KCND3: variants seen among roughly 807,000 people sequenced by gnomAD.
The protein encoded by KCND3 is potassium voltage-gated channel subfamily D member 3, also known as A-type voltage-gated potassium channel KCND3.
In KCND3, 9 loss-of-function variants were observed where a neutral mutation model predicts 51.1. The observed-to-expected ratio is 0.18, with a 90% CI of 0.11 to 0.31. The LOEUF is 0.31. Among genes scored for constraint, KCND3 ranks in the 10% least tolerant of loss-of-function variants. The pLI is 1.00. For synonymous variants in KCND3, 349 were observed against 368.0 expected, an observed-to-expected ratio of 0.95 and a Z score of 0.59; for missense variants, 526 against 903.8, an observed-to-expected ratio of 0.58 and a Z score of 5.36.
chr1:111,947,515 C>T (rs1672836252), intron 2 of KCND3, among the ~76,000 whole-genome samples: 1 of 152,192 alleles, frequency 6.6e-6, no homozygotes, highest in South Asian at 2.1e-4. Context: ...GAAGTTCAGA[C>T]TTGGAGAGGT....
chr1:111,862,386 T>C (rs1311260121), intron 2 of KCND3, among the ~76,000 whole-genome samples: 2 of 152,260 alleles, frequency 1.3e-5, no homozygotes, highest in African/African-American at 4.8e-5. Flanking sequence ...TGAATGGCCA[T>C]GGGCCGAATG....
At chr1:111,944,205 C>T (rs1192343815) in intron 2 of KCND3, among the ~76,000 whole-genome samples, 2 of 152,176 alleles carry the variant, frequency 1.3e-5, no homozygotes, top group African/African-American at 2.4e-5. Context: ...GTCCCTCTGT[C>T]CCTTGTGGAG....
At chr1:111,776,887 G>C in intron 7 of KCND3, 139 bp downstream of exon 7, 3 of 1,494,366 alleles carry the variant, frequency 2.0e-6, no homozygotes, top group Non-Finnish European at 2.7e-6. Context: ...TGCAAGGAAA[G>C]GAGGAAGGTA....
chr1:111,977,393 A>C (rs1674691772), intron 2 of KCND3, among the ~76,000 whole-genome samples: 1 of 152,204 alleles, frequency 6.6e-6, no homozygotes, highest in Non-Finnish European at 1.5e-5. Context: ...ATTATGTTTT[A>C]AAGTGAAATG....
chr1:111,773,894 T>C lies in KCND3; in HGVS notation c.*2183A>G, dbSNP rs1175800280. 1 of 152,172 alleles carries C rather than the reference T, an allele frequency of 6.6e-6. No individual in the cohort carries two copies. The highest frequency in any genetic ancestry group is 1.5e-5 in the Non-Finnish European group (1 of 68,042). The allele number at this position is 152,172 out of a possible 1,614,324, so 9.4% of individuals were successfully genotyped here. A position where few individuals can be genotyped will look rare whatever the true frequency, so the allele number is the denominator to read the frequency against. On this transcript the variant is annotated 3_prime_UTR_variant, in exon 8 of 8. Transcript: ENST00000302127. The stretch of plus-strand genomic sequence containing the variant: ...TTGGTCTTCTAATGAGATGTGTATA[T>C]GAAGTGAATTGATTTAAGTATGTAT...
At chr1:111,872,165 G>A (rs1477773637) in intron 2 of KCND3, among the ~76,000 whole-genome samples, 1 of 152,176 alleles carries the variant, frequency 6.6e-6, no homozygotes, top group African/African-American at 2.4e-5. Context: ...CCTTTAAGGT[G>A]GGCACTATTA....
At chr1:111,840,362 C>T (rs12410623) in intron 2 of KCND3, among the ~76,000 whole-genome samples, 19,308 of 152,054 alleles carry the variant, frequency 0.13, 1,647 homozygotes, top group East Asian at 0.42. Context: ...TGACGGGCCC[C>T]GCACCTTTTC....
intron 2 of KCND3, among the ~76,000 whole-genome samples, chr1:111,956,286 T>C (rs1673335570): frequency 6.6e-6 from 1 of 152,262 alleles, no homozygotes; most frequent in East Asian, 1.9e-4. Flanking sequence ...GACCACTGCA[T>C]GTTGGATGAC....
At chr1:111,949,993 C>T (rs1672976213) in intron 2 of KCND3, among the ~76,000 whole-genome samples, 1 of 152,228 alleles carries the variant, frequency 6.6e-6, no homozygotes, top group African/African-American at 2.4e-5. Context: ...TCACTGCAAC[C>T]TCCACCTCCC....
At chr1:111,853,312 G>A (rs182516295) in intron 2 of KCND3, among the ~76,000 whole-genome samples, 14 of 152,276 alleles carry the variant, frequency 9.2e-5, no homozygotes, top group African/African-American at 9.6e-5. Flanking sequence ...TTTCAGGGTC[G>A]TTCTGGTGTG....
At chr1:111,844,825 C>T (rs1191962019) in intron 2 of KCND3, among the ~76,000 whole-genome samples, 1 of 152,186 alleles carries the variant, frequency 6.6e-6, no homozygotes, top group Non-Finnish European at 1.5e-5. Flanking sequence ...CCTGCTGGTA[C>T]ACCCAGCATC....
chr1:111,957,722 T>C (rs1305058701), intron 2 of KCND3, among the ~76,000 whole-genome samples: 2 of 152,184 alleles, frequency 1.3e-5, no homozygotes. Flanking sequence ...TGGCAAACCA[T>C]GGCTGTGGGC....
chr1:111,922,344 G>A lies in KCND3; in HGVS notation c.1106+59277C>T, dbSNP rs142129306. 9.2e-5 allele frequency among the ~76,000 whole-genome samples: 14 copies of A among 152,318 alleles called. No homozygotes were observed. In the East Asian group the frequency reaches 2.5e-3, roughly 27 times the overall value. On this transcript the variant is annotated intron_variant, in intron 2 of 7. Coordinates refer to ENST00000302127, the MANE Select transcript of KCND3 (RefSeq NM_001378969.1). Reference sequence around the variant, plus strand: ...GTTTGAGGAAGGGTGATACAGCTGCGGTCAGGACAGGAGGGGTTCTTCCCA... The same window carrying A: ...GTTTGAGGAAGGGTGATACAGCTGCAGTCAGGACAGGAGGGGTTCTTCCCA...
chr1:111,964,553 G>T (rs1270972899), intron 2 of KCND3, among the ~76,000 whole-genome samples: 1 of 152,188 alleles, frequency 6.6e-6, no homozygotes, highest in Admixed American at 6.5e-5. Flanking sequence ...ACAGCCAGGT[G>T]ACCACAATGG....
chr1:111,785,679 C>G (rs901426045), intron 3 of KCND3, among the ~76,000 whole-genome samples: 1 of 152,140 alleles, frequency 6.6e-6, no homozygotes, highest in Non-Finnish European at 1.5e-5. Flanking sequence ...AGCTAGCTTT[C>G]GTAACCTTTA....
At chr1:111,949,361 G>A (rs1672943472) in intron 2 of KCND3, among the ~76,000 whole-genome samples, 1 of 152,190 alleles carries the variant, frequency 6.6e-6, no homozygotes, top group Admixed American at 6.5e-5. Flanking sequence ...AAACCCCGCG[G>A]AGGTGCAGGA....
intron 2 of KCND3, among the ~76,000 whole-genome samples, chr1:111,829,828 G>A (rs149444830): frequency 6.6e-6 from 1 of 152,176 alleles, no homozygotes; most frequent in Non-Finnish European, 1.5e-5. Context: ...TGCTTCTCCT[G>A]TTGGGTGCCC....
At position 111,858,565 on chromosome 1, in the gene KCND3, T is replaced by G. The variant is rs190393505; in HGVS notation, c.1107-71459A>C. Among the ~76,000 whole-genome samples the G allele has an allele frequency of 4.9e-3, 743 of 152,306 alleles. 7 individuals carry two copies. The highest frequency in any genetic ancestry group is 0.016 in the African/African-American group (678 of 41,558). ...TTATTATCATGTTGATTTTTTCTTC[T>G]GATTAAAAAAAAAGTTAAAACATTG... On this transcript the variant is annotated intron_variant, in intron 2 of 7. Coordinates refer to ENST00000302127, the MANE Select transcript of KCND3 (RefSeq NM_001378969.1).
intron 2 of KCND3, among the ~76,000 whole-genome samples, chr1:111,960,736 C>A (rs1180236734): frequency 6.6e-6 from 1 of 152,254 alleles, no homozygotes; most frequent in African/African-American, 2.4e-5. Flanking sequence ...GGAACACTTT[C>A]TCTCCAACCC....
Sources: gnomAD v4.1 joint callset for allele counts (sites outside exome capture counted in the v4.1 genomes callset) on GRCh38, gnomAD v4.1.1 for gene constraint, MANE v1.5 for transcripts, NCBI Gene and HGNC (gene_info 2026-07-23, HGNC 2026-07-21) for gene names.